Variants in TOP1MT observed in about 807,000 individuals in gnomAD.
TOP1MT encodes the protein DNA topoisomerase I, mitochondrial.
A neutral mutation model predicts 73.9 loss-of-function variants in TOP1MT; 80 were observed. The ratio of observed to expected loss-of-function variants is 1.08; its 90% CI spans 0.90 to 1.30. The LOEUF (loss-of-function observed/expected upper bound fraction) is 1.30, where lower values mean the gene tolerates loss of function less well. TOP1MT is among the 50% of genes most tolerant of loss of function. TOP1MT has a pLI of 0.00. For missense variants in TOP1MT, 815 were observed against 808.0 expected (o/e 1.01, Z -0.10); for synonymous variants, 338 against 326.4 (o/e 1.04, Z -0.38).
At chr8:143,346,981 A>ATTTG (rs994028662), upstream of TOP1MT, among the ~76,000 whole-genome samples, 11 of 150,636 alleles carry the variant, frequency 7.3e-5, no homozygotes, top group Non-Finnish European at 1.6e-4. Context: ...TTATTTATTT[A>ATTTG]TTTATTTATT....
At position 143,324,029 on chromosome 8, in the gene TOP1MT, C is replaced by T; in HGVS notation, c.930G>A (p.Gln310=). The part of the protein sequence containing the change: ...DWKSREMKTR[Q]RAVALYFIDK... The stretch of plus-strand genomic sequence containing the variant: ...CGATGAAATACAGGGCCACCGCCCG[C>T]TGTCTCGTCTTCATTTCCCGAGACT... Residue 310 remains glutamine (Q), a synonymous_variant, in exon 7 of 14, where the codon CAG becomes CAA. Transcript: ENST00000329245. The T allele has an allele frequency of 6.2e-7, 1 of 1,613,826 alleles. No individual in the cohort carries two copies. Among genetic ancestry groups the T allele is most frequent in the Non-Finnish European group, 8.5e-7 (1 of 1,180,032 alleles).
intron 13 of TOP1MT, 119 bp downstream of exon 13, chr8:143,309,949 C>T (rs1489140201): frequency 6.3e-7 from 1 of 1,596,940 alleles, no homozygotes; most frequent in African/African-American, 1.3e-5. Context: ...ACAGGGAGGG[C>T]CTGTGCTGAC....
intron 12 of TOP1MT, among the ~76,000 whole-genome samples, chr8:143,310,866 G>A (rs1327127302): frequency 6.6e-6 from 1 of 152,222 alleles, no homozygotes; most frequent in Non-Finnish European, 1.5e-5. Flanking sequence ...CACATGAGGG[G>A]CTGCTATTTA....
Position 143,315,990 on chromosome 8 carries a change from A to T in TOP1MT, c.1458+9T>A, listed in dbSNP as rs1424386271. On this transcript the variant is annotated intron_variant, in intron 11 of 13. Coordinates refer to ENST00000329245, the MANE Select transcript of TOP1MT (RefSeq NM_052963.3). ...GGGCTGGGCTGGGGGCTCTCCTGGGAGCTGCTACCTTCGTCTGGAGATTCT... is the reference window on the plus strand; with the variant it reads ...GGGCTGGGCTGGGGGCTCTCCTGGGTGCTGCTACCTTCGTCTGGAGATTCT... 3.7e-6 allele frequency: 6 copies of T among 1,614,048 alleles called. No homozygotes were observed. Among genetic ancestry groups the T allele is most frequent in the Non-Finnish European group, 5.1e-6 (6 of 1,179,968 alleles).
Position 143,323,255 on chromosome 8 carries a change from G to A in TOP1MT, c.960+744C>T, listed in dbSNP as rs573931713. Among the ~76,000 whole-genome samples, 14 of 65,242 alleles carry A rather than the reference G, an allele frequency of 2.1e-4. 1 individual carries two copies. Among genetic ancestry groups the A allele is most frequent in the East Asian group, 5.6e-4 (1 of 1,796 alleles). 42.8% of individuals were successfully genotyped at this position (65,242 alleles called of 152,430 possible). A position where few individuals can be genotyped will look rare whatever the true frequency, so the allele number is the denominator to read the frequency against. ...ACAGGCACGCCACACACACAGGCACGCCACACACATGCACGCCACACACGC... is the reference window on the plus strand; with the variant it reads ...ACAGGCACGCCACACACACAGGCACACCACACACATGCACGCCACACACGC... On this transcript the variant is annotated intron_variant, in intron 7 of 13. Coordinates refer to ENST00000329245, the MANE Select transcript of TOP1MT (RefSeq NM_052963.3).
At chr8:143,349,543 G>A (rs960241534), upstream of TOP1MT, among the ~76,000 whole-genome samples, 2 of 151,930 alleles carry the variant, frequency 1.3e-5, no homozygotes, top group East Asian at 1.9e-4. Flanking sequence ...CATGCTCTTC[G>A]TTCTTGGGAC....
At chr8:143,330,954 G>T (rs556905901) in intron 2 of TOP1MT, among the ~76,000 whole-genome samples, 3 of 146,568 alleles carry the variant, frequency 2.0e-5, no homozygotes, top group East Asian at 4.4e-4. Flanking sequence ...GGGAGGGGGG[G>T]TCCGCTTTGC....
Position 143,321,214 on chromosome 8 carries a change from G to C in TOP1MT, c.1133C>G (p.Pro378Arg). The C allele has an allele frequency of 1.3e-6, 2 of 1,598,416 alleles. No individual in the cohort carries two copies. Among genetic ancestry groups the C allele is most frequent in the Non-Finnish European group, 1.7e-6 (2 of 1,170,140 alleles). ...KDCIRYYNRV[P>R]VEKPVYKNLQ... ...GAGGGCACTCACCGGCTTCTCCACC[G>C]GCACTCTGTTGTAGTAGCGGATGCA... The change falls in exon 8 of 14, where the codon CCG becomes CGG. Residue 378 changes from proline (P) to arginine (R), a missense_variant. This residue lies in a region of TOP1MT where 751 missense variants were observed against 725.4 expected (regional missense o/e 1.04). Transcript: ENST00000329245.
intron 10 of TOP1MT, 40 bp from the exon 11 acceptor site, chr8:143,316,166 C>T (rs1245133141): frequency 1.7e-5 from 27 of 1,613,042 alleles, no homozygotes; most frequent in South Asian, 3.3e-5. Context: ...CCCACGGGGC[C>T]GGCCACCCTC....
chr8:143,338,328 G>A (rs1817017615), upstream of TOP1MT, among the ~76,000 whole-genome samples: 1 of 152,064 alleles, frequency 6.6e-6, no homozygotes, highest in Non-Finnish European at 1.5e-5. Flanking sequence ...AGCACTTTGG[G>A]AGGCCAAGGC....
rs781344275 is a variant in TOP1MT, at chr8:143,342,293, CTGT to C, written c.29+924_29+926del. Reference sequence around the variant, plus strand: ...TATTATTATTAGAGACAGAGTCTCGCTGTTATTATTATTATTATTAGAGACAGA... The same window carrying C: ...TATTATTATTAGAGACAGAGTCTCGCTATTATTATTATTATTAGAGACAGA... On this transcript the variant is annotated intron_variant, in intron 2 of 5. Coordinates refer to the TOP1MT transcript ENST00000518007. Among the ~76,000 whole-genome samples the C allele has an allele frequency of 1.5e-4, 19 of 128,460 alleles. No individual in the cohort carries two copies. The East Asian group carries it at 2.6e-3, about 18-fold the overall frequency. 84.3% of individuals were successfully genotyped at this position (128,460 alleles called of 152,430 possible).
upstream of TOP1MT, among the ~76,000 whole-genome samples, chr8:143,337,799 C>T (rs1817007143): frequency 6.6e-6 from 1 of 152,304 alleles, no homozygotes; most frequent in Non-Finnish European, 1.5e-5. Flanking sequence ...AGTCAAACAG[C>T]CCGGCGCCAC....
intron 3 of TOP1MT, 99 bp downstream of exon 3, chr8:143,329,251 C>T (rs376427373): frequency 4.7e-5 from 65 of 1,369,588 alleles, no homozygotes; most frequent in African/African-American, 1.2e-4. Flanking sequence ...CAGGGGCCAC[C>T]GAGAACTTGC....
intron 8 of TOP1MT, among the ~76,000 whole-genome samples, chr8:143,318,849 G>A (rs866869032): frequency 1.3e-5 from 2 of 152,044 alleles, no homozygotes; most frequent in African/African-American, 2.4e-5. Flanking sequence ...CACAGCTCCC[G>A]ACTTCTGGCT....
chr8:143,356,470 T>A (rs1454433999), upstream of TOP1MT, among the ~76,000 whole-genome samples: 1 of 152,220 alleles, frequency 6.6e-6, no homozygotes, highest in Non-Finnish European at 1.5e-5. Flanking sequence ...CAAAAAAGCT[T>A]TTTATACTTG....
intron 7 of TOP1MT, among the ~76,000 whole-genome samples, chr8:143,323,212 C>G (rs1813920969): frequency 8.6e-6 from 1 of 115,714 alleles, no homozygotes; most frequent in Non-Finnish European, 1.7e-5. Flanking sequence ...ACAGGCACGC[C>G]ACACAGGCAC....
upstream of TOP1MT, among the ~76,000 whole-genome samples, chr8:143,347,901 G>A (rs1817255692): frequency 6.6e-6 from 1 of 152,214 alleles, no homozygotes; most frequent in Admixed American, 6.5e-5. Context: ...AGCTCAGCAG[G>A]CTCCTCTGTG....
At chr8:143,331,568 G>GA (rs1816856592) in intron 1 of TOP1MT, among the ~76,000 whole-genome samples, 1 of 152,200 alleles carries the variant, frequency 6.6e-6, no homozygotes, top group Non-Finnish European at 1.5e-5. Flanking sequence ...GTGTGCTGCT[G>GA]AGTCACGGAT....
At chr8:143,343,151 G>A in intron 2 of TOP1MT, 4 of 456,058 alleles carry the variant, frequency 8.8e-6, no homozygotes, top group Non-Finnish European at 1.8e-5. Context: ...CATTCATCAG[G>A]CATGAGTGCC....
Sources: gnomAD v4.1 joint callset for allele counts (sites outside exome capture counted in the v4.1 genomes callset) on GRCh38, gnomAD v4.1.1 for gene constraint, gnomAD v4.1.1 regional missense constraint, MANE v1.5 for transcripts, NCBI Gene and HGNC (gene_info 2026-07-23, HGNC 2026-07-21) for gene names.